Variants in PHTF2 observed in about 807,000 individuals in gnomAD.
PHTF2 encodes the protein putative homeodomain transcription factor 2.
Under a neutral mutation model 101.2 loss-of-function variants are expected in PHTF2, and 60 were observed. The ratio of observed to expected loss-of-function variants is 0.59; its 90% CI spans 0.48 to 0.73. The LOEUF is 0.73. PHTF2 is among the 30% of genes least tolerant of loss of function. PHTF2 has a pLI of 0.00. For missense variants in PHTF2, 747 were observed against 908.7 expected (o/e 0.82, Z 2.29); for synonymous variants, 311 against 307.3 (o/e 1.01, Z -0.13).
intron 3 of PHTF2, among the ~76,000 whole-genome samples, chr7:77,875,379 TAAAGAAA>T (rs1425638136): frequency 6.6e-6 from 1 of 152,036 alleles, no homozygotes; most frequent in Admixed American, 6.6e-5. Context: ...TGTGTGTGTT[TAAAGAAA>T]ACAGTCATCT....
intron 19 of PHTF2, among the ~76,000 whole-genome samples, chr7:77,954,637 T>TATATAGATAG (rs933959523): frequency 6.9e-6 from 1 of 144,602 alleles, no homozygotes; most frequent in Non-Finnish European, 1.5e-5. Flanking sequence ...TATATATATA[T>TATATAGATAG]ATATATATAG....
At chr7:77,852,523 A>G (rs1050264728) in intron 2 of PHTF2, among the ~76,000 whole-genome samples, 4 of 152,152 alleles carry the variant, frequency 2.6e-5, no homozygotes, top group African/African-American at 9.7e-5. Flanking sequence ...GTTTCTATTT[A>G]TATCTTTTTA....
At chr7:77,902,194 T>C (rs1354669642) in intron 7 of PHTF2, among the ~76,000 whole-genome samples, 1 of 152,194 alleles carries the variant, frequency 6.6e-6, no homozygotes, top group Non-Finnish European at 1.5e-5. Flanking sequence ...TCAAAATGCA[T>C]CTTCCACACA....
At chr7:77,830,109 A>G (rs1229558201) in intron 1 of PHTF2, among the ~76,000 whole-genome samples, 1 of 152,196 alleles carries the variant, frequency 6.6e-6, no homozygotes, top group African/African-American at 2.4e-5. Context: ...GAGATAATAA[A>G]GACATTGGAC....
chr7:77,868,768 T>C (rs565227600), intron 3 of PHTF2, among the ~76,000 whole-genome samples: 1 of 152,332 alleles, frequency 6.6e-6, no homozygotes, highest in African/African-American at 2.4e-5. Flanking sequence ...ATCCAACTTC[T>C]GTGTTTTAAA....
intron 2 of PHTF2, among the ~76,000 whole-genome samples, chr7:77,846,320 A>G (rs1010546360): frequency 6.6e-6 from 1 of 152,236 alleles, no homozygotes; most frequent in African/African-American, 2.4e-5. Flanking sequence ...ATGTATTCCA[A>G]TTATGGCTAA....
intron 16 of PHTF2, among the ~76,000 whole-genome samples, chr7:77,945,137 C>T (rs117691126): frequency 0.022 from 3,359 of 152,198 alleles, 51 homozygotes; most frequent in Middle Eastern, 0.068. Flanking sequence ...GTCAGGAGTT[C>T]GCAAGCAGCC....
intron 9 of PHTF2, among the ~76,000 whole-genome samples, chr7:77,918,568 T>G (rs555642230): frequency 6.6e-6 from 1 of 152,222 alleles, no homozygotes; most frequent in Non-Finnish European, 1.5e-5. Flanking sequence ...CAACTTCACT[T>G]GGTCTTTTTC....
At chr7:77,933,073 C>T (rs1804756506) in intron 12 of PHTF2, among the ~76,000 whole-genome samples, 1 of 151,932 alleles carries the variant, frequency 6.6e-6, no homozygotes, top group Non-Finnish European at 1.5e-5. Context: ...CCCATCTCTA[C>T]TAAAAATACA....
intron 1 of PHTF2, among the ~76,000 whole-genome samples, chr7:77,810,780 C>T (rs1239692933): frequency 6.6e-6 from 1 of 152,102 alleles, no homozygotes; most frequent in African/African-American, 2.4e-5. Flanking sequence ...TCAGGTGATC[C>T]ACCCACCTTG....
chr7:77,926,971 A>G (rs1804062717), intron 11 of PHTF2, among the ~76,000 whole-genome samples: 1 of 151,844 alleles, frequency 6.6e-6, no homozygotes, highest in Admixed American at 6.6e-5. Context: ...CAATCTGGCC[A>G]ATATGATAAA....
chr7:77,938,083 T>C (rs1805308236), intron 13 of PHTF2: 1 of 178,828 alleles, frequency 5.6e-6, no homozygotes, highest in African/African-American at 2.4e-5. Flanking sequence ...ATTTTTCTCT[T>C]TTATCTTTTT....
chr7:77,877,952 G>A (rs962480612), intron 3 of PHTF2, among the ~76,000 whole-genome samples: 1 of 152,106 alleles, frequency 6.6e-6, no homozygotes, highest in Non-Finnish European at 1.5e-5. Context: ...TGGGGGAAGG[G>A]GATGTGCAGG....
At chr7:77,800,831 C>T (rs1471441900) in intron 1 of PHTF2, among the ~76,000 whole-genome samples, 2 of 152,118 alleles carry the variant, frequency 1.3e-5, no homozygotes, top group Non-Finnish European at 2.9e-5. Flanking sequence ...TATAGATGAG[C>T]AAACCAAGAC....
chr7:77,951,297 T>G (rs936129048), intron 17 of PHTF2, among the ~76,000 whole-genome samples: 6 of 152,210 alleles, frequency 3.9e-5, no homozygotes, highest in African/African-American at 1.4e-4. Context: ...GAAAGAAAAA[T>G]TATAAACTAT....
At chr7:77,806,239 C>T (rs566743178) in intron 1 of PHTF2, among the ~76,000 whole-genome samples, 2 of 151,112 alleles carry the variant, frequency 1.3e-5, no homozygotes, top group South Asian at 2.1e-4. Context: ...TTTGTCTACT[C>T]GTTTTATCAA....
At chr7:77,920,603 C>A in intron 10 of PHTF2, 138 bp downstream of exon 9, 1 of 653,770 alleles carries the variant, frequency 1.5e-6, no homozygotes, top group South Asian at 1.8e-5. Context: ...ACTGATGAAA[C>A]TGTAAATGAG....
intron 3 of PHTF2, among the ~76,000 whole-genome samples, chr7:77,885,619 A>T (rs970286488): frequency 2.6e-5 from 4 of 151,852 alleles, no homozygotes; most frequent in Admixed American, 6.6e-5. Context: ...TATTTTTTGT[A>T]TTCTTAGTAG....
At chr7:77,889,734 G>T (rs1281055970) in intron 3 of PHTF2, among the ~76,000 whole-genome samples, 2 of 151,862 alleles carry the variant, frequency 1.3e-5, no homozygotes, top group African/African-American at 4.8e-5. Context: ...GGGACTACAG[G>T]TCTGCACGAC....
Sources: allele counts gnomAD v4.1 joint callset (sites outside exome capture counted in the v4.1 genomes callset), GRCh38; gene constraint gnomAD v4.1.1; transcripts MANE v1.5; gene names NCBI Gene and HGNC (gene_info 2026-07-23, HGNC 2026-07-21).